RAD54L: variants seen among roughly 807,000 people sequenced by gnomAD.
RAD54L encodes the protein RAD54 like.
RAD54L carries 74 observed loss-of-function variants against 91.6 expected under a neutral mutation model. The observed-to-expected ratio is 0.81, with a 90% CI of 0.67 to 0.98. RAD54L has a LOEUF of 0.98. Among genes scored for constraint, RAD54L ranks in the 50% least tolerant of loss-of-function variants. RAD54L has a pLI of 0.00. For missense variants in RAD54L, 887 were observed against 945.7 expected (o/e 0.94, Z 0.81); for synonymous variants, 304 against 349.7 (o/e 0.87, Z 1.46).
intron 8 of RAD54L, among the ~76,000 whole-genome samples, chr1:46,266,626 A>T (rs1660272806): frequency 6.6e-6 from 1 of 152,222 alleles, no homozygotes. Context: ...GAAGCTCTTT[A>T]GCTCTACTAG....
intron 3 of RAD54L, among the ~76,000 whole-genome samples, chr1:46,253,233 G>A (rs10789488): frequency 0.66 from 100,629 of 152,122 alleles, 34,295 homozygotes; most frequent in East Asian, 0.83. Context: ...TTTGTTTATG[G>A]TTGTTATAAA....
At chr1:46,257,416 C>T (rs1392866640) in intron 3 of RAD54L, among the ~76,000 whole-genome samples, 1 of 152,188 alleles carries the variant, frequency 6.6e-6, no homozygotes, top group East Asian at 1.9e-4. Flanking sequence ...TTGAGGTTCA[C>T]AGGCTATCAC....
chr1:46,251,326 A>AAAAAAC (rs1254946099), intron 3 of RAD54L, among the ~76,000 whole-genome samples: 3 of 152,158 alleles, frequency 2.0e-5, no homozygotes. Flanking sequence ...AACAACAACA[A>AAAAAAC]AAAAACAACA....
Position 46,248,201 on chromosome 1 carries a change from G to A in RAD54L, c.-205G>A. 1.4e-6 allele frequency: 1 copy of A among 692,404 alleles called. No individual in the cohort carries two copies. Among genetic ancestry groups the A allele is most frequent in the Middle Eastern group, 3.8e-4 (1 of 2,622 alleles). 42.9% of individuals were successfully genotyped at this position (692,404 alleles called of 1,614,324 possible). On this transcript the variant is annotated 5_prime_UTR_variant, in exon 1 of 18. Transcript: ENST00000371975. ...GCCTAATCTCTCGTCTCGGCTTATTGGGGACGGCCACTCTCACAGTTTGGT... is the reference window on the plus strand; with the variant it reads ...GCCTAATCTCTCGTCTCGGCTTATTAGGGACGGCCACTCTCACAGTTTGGT...
chr1:46,276,456 T>C (rs1660605499), intron 16 of RAD54L, among the ~76,000 whole-genome samples: 1 of 152,188 alleles, frequency 6.6e-6, no homozygotes, highest in Non-Finnish European at 1.5e-5. Flanking sequence ...CCACCACACC[T>C]GGCTCCCCTT....
chr1:46,263,954 C>G lies in RAD54L; in HGVS notation c.891+2569C>G, dbSNP rs1368289627. Reference sequence around the variant, plus strand: ...CTGATATTACAGGCGTGCACCACCACTCTGGCTAATTTTTGTATTTTTAGT... The same window carrying G: ...CTGATATTACAGGCGTGCACCACCAGTCTGGCTAATTTTTGTATTTTTAGT... On this transcript the variant is annotated intron_variant, in intron 8 of 17. Coordinates refer to ENST00000371975, the MANE Select transcript of RAD54L (RefSeq NM_003579.4). This position sits in a 1 kb window ranked among gnomAD's most constrained non-coding sequence, Gnocchi z 4.3. Among the ~76,000 whole-genome samples the G allele has an allele frequency of 2.0e-5, 3 of 152,104 alleles. No individual in the cohort carries two copies. The highest frequency in any genetic ancestry group is 4.8e-5 in the African/African-American group (2 of 41,416).
Position 46,260,567 on chromosome 1 carries a change from G to C in RAD54L, c.433G>C (p.Val145Leu), listed in dbSNP as rs764812486. The C allele has an allele frequency of 1.2e-6, 2 of 1,614,182 alleles. No individual in the cohort carries two copies. Among genetic ancestry groups the C allele is most frequent in the Non-Finnish European group, 1.7e-6 (2 of 1,180,012 alleles). The change falls in exon 6 of 18, where the codon GTT becomes CTT. Residue 145 changes from valine (V) to leucine (L), a missense_variant. Coordinates refer to ENST00000371975, the MANE Select transcript of RAD54L (RefSeq NM_003579.4). ...GGAGAAACTCCCTGTCCATGTGGTT[G>C]TTGACCCTATTCTCAGTAAGGTTTT... is the stretch of plus-strand genomic sequence containing the variant. ...DKEKLPVHVV[V>L]DPILSKVLRP...
chr1:46,271,043 C>T (rs1294411236), intron 10 of RAD54L, among the ~76,000 whole-genome samples: 1 of 152,168 alleles, frequency 6.6e-6, no homozygotes, highest in Non-Finnish European at 1.5e-5. Context: ...TGCTGCTGGA[C>T]TTCTTGAGCA....
intron 9 of RAD54L, among the ~76,000 whole-genome samples, chr1:46,269,787 AC>A (rs1292276705): frequency 6.6e-6 from 1 of 152,106 alleles, no homozygotes; most frequent in African/African-American, 2.4e-5. Context: ...CTGTCTCTCA[AC>A]TTGTTTAGGT....
Position 46,278,351 on chromosome 1 carries a change from G to A in RAD54L, c.*69G>A. On this transcript the variant is annotated 3_prime_UTR_variant, in exon 18 of 18. Transcript: ENST00000371975. ...GAAAAGGGGCTCCTTGCTCCACAGG[G>A]CCCTGTTGAATTTTGTTCTCTGGGA... is the stretch of plus-strand genomic sequence containing the variant. 1 of 1,488,974 alleles carries A rather than the reference G, an allele frequency of 6.7e-7. No homozygotes were observed. Among genetic ancestry groups the A allele is most frequent in the Non-Finnish European group, 9.2e-7 (1 of 1,090,716 alleles). The allele number at this position is 1,488,974 out of a possible 1,614,324, so 92.2% of individuals were successfully genotyped here.
intron 3 of RAD54L, among the ~76,000 whole-genome samples, chr1:46,251,939 G>A (rs760440105): frequency 1.3e-5 from 2 of 152,104 alleles, no homozygotes; most frequent in Non-Finnish European, 2.9e-5. Flanking sequence ...TTAAAATGGT[G>A]TGTAATCCTC....
intron 16 of RAD54L, among the ~76,000 whole-genome samples, chr1:46,277,074 C>T (rs1269212237): frequency 3.3e-5 from 5 of 152,288 alleles, no homozygotes; most frequent in South Asian, 2.1e-4. Flanking sequence ...GGATTACAGG[C>T]GTGAGCCACC....
At position 46,272,559 on chromosome 1, in the gene RAD54L, A is replaced by G. The variant is rs985133259; in HGVS notation, c.1244+19A>G. On this transcript the variant is annotated intron_variant, in intron 11 of 17. Coordinates refer to ENST00000371975, the MANE Select transcript of RAD54L (RefSeq NM_003579.4). ...GTTGTAGGTACTGAACTCAACTGAA[A>G]GATGTGGAGTGGGTCAAAGCCTAGC... The G allele has an allele frequency of 3.1e-6, 5 of 1,608,938 alleles. No individual in the cohort carries two copies. In the African/African-American group the frequency reaches 5.3e-5, roughly 17 times the overall value.
rs979971500 is a variant in RAD54L at position 46,248,283 on chromosome 1, C to T, written c.-123C>T. Reference sequence around the variant, plus strand: ...CATCCATGCCCCCTCTTTAATTAGCCGGTCCTCTCAATAATGTAGCAGCCC... The same window carrying T: ...CATCCATGCCCCCTCTTTAATTAGCTGGTCCTCTCAATAATGTAGCAGCCC... On this transcript the variant is annotated 5_prime_UTR_variant, in exon 1 of 18. Coordinates refer to ENST00000371975, the MANE Select transcript of RAD54L (RefSeq NM_003579.4). The T allele has an allele frequency of 1.7e-5, 21 of 1,259,014 alleles. No individual in the cohort carries two copies. In the Middle Eastern group the frequency reaches 1.3e-3, roughly 79 times the overall value. 78.0% of individuals were successfully genotyped at this position (1,259,014 alleles called of 1,614,324 possible). A position where few individuals can be genotyped will look rare whatever the true frequency, so the allele number is the denominator to read the frequency against.
chr1:46,275,926 C>T (rs1293664400), intron 16 of RAD54L, among the ~76,000 whole-genome samples: 1 of 151,556 alleles, frequency 6.6e-6, no homozygotes, highest in African/African-American at 2.4e-5. Context: ...GCCACTCTAG[C>T]CTGGGTGACA....
Position 46,278,211 on chromosome 1 carries a change from G to C in RAD54L, c.2173G>C (p.Asp725His), listed in dbSNP as rs1418765845. 2 of 1,613,832 alleles carry C rather than the reference G, an allele frequency of 1.2e-6. No individual in the cohort carries two copies. The highest frequency in any genetic ancestry group is 1.7e-5 in the Admixed American group (1 of 59,972). Residue 725 changes from aspartate to histidine, a missense_variant, in exon 18 of 18, where the codon GAT (aspartate) becomes CAT (histidine). Coordinates refer to ENST00000371975, the MANE Select transcript of RAD54L (RefSeq NM_003579.4). ...GGATGAGGTACTCCAGGCTGCCTGG[G>C]ATGCTGCCTCCACTGCCATCACCTT... is the stretch of plus-strand genomic sequence containing the variant. The part of the protein sequence containing the change: ...LRDEVLQAAW[D>H]AASTAITFVF...
At position 46,265,294 on chromosome 1, in the gene RAD54L, C is replaced by A. The variant is rs1660236421; in HGVS notation, c.892-2165C>A. The stretch of plus-strand genomic sequence containing the variant: ...GGTCAGGATTTCAAGACTAGCCTGG[C>A]CAACATGGTGAAACCCTGTTTCTAC... On this transcript the variant is annotated intron_variant, in intron 8 of 17. Coordinates refer to ENST00000371975, the MANE Select transcript of RAD54L (RefSeq NM_003579.4). The surrounding 1 kb of genome is among the most constrained non-coding windows in gnomAD (Gnocchi z 4.8). Among the ~76,000 whole-genome samples the A allele has an allele frequency of 6.6e-6, 1 of 152,050 alleles. No homozygotes were observed. Among genetic ancestry groups the A allele is most frequent in the South Asian group, 2.1e-4 (1 of 4,812 alleles).
intron 4 of RAD54L, 78 bp from the exon 5 acceptor site, chr1:46,259,886 G>A (rs1023454954): frequency 3.1e-5 from 49 of 1,597,490 alleles, no homozygotes; most frequent in Non-Finnish European, 3.8e-5. Context: ...AAGGTTATGT[G>A]AAGGACAAGT....
chr1:46,255,509 T>C (rs1659916313), intron 3 of RAD54L, among the ~76,000 whole-genome samples: 1 of 147,176 alleles, frequency 6.8e-6, no homozygotes, highest in African/African-American at 2.5e-5. Flanking sequence ...TTTTTTTTTT[T>C]TTTTTTTGAG....
Sources: allele counts gnomAD v4.1 joint callset (sites outside exome capture counted in the v4.1 genomes callset), GRCh38; gene constraint gnomAD v4.1.1; non-coding constraint Gnocchi (gnomAD v3.1); transcripts MANE v1.5; gene names NCBI Gene and HGNC (gene_info 2026-07-23, HGNC 2026-07-21).